KIAA0513: variants seen among roughly 807,000 people sequenced by gnomAD.
KIAA0513 encodes uncharacterized protein KIAA0513.
Under a neutral mutation model 56.5 loss-of-function variants are expected in KIAA0513, and 39 were observed. The observed-to-expected ratio is 0.69, with a 90% CI of 0.53 to 0.90. KIAA0513 has a LOEUF of 0.90. KIAA0513 is among the 40% of genes least tolerant of loss of function. The probability of loss-of-function intolerance (pLI) is 0.00; values close to 1 mark genes in which losing one functional copy is unlikely to be tolerated. For missense variants in KIAA0513, 591 were observed against 535.2 expected (o/e 1.10, Z -1.03); for synonymous variants, 268 against 215.6 (o/e 1.24, Z -2.13).
chr16:85,059,584 GC>G (rs1438099330), intron 1 of KIAA0513, among the ~76,000 whole-genome samples: 1 of 152,218 alleles, frequency 6.6e-6, no homozygotes, highest in African/African-American at 2.4e-5. Flanking sequence ...CTCTTCTCCA[GC>G]CCCACGTTTC....
At chr16:85,072,762 G>T (rs1282829833) in intron 3 of KIAA0513, 163 bp from the exon 4 acceptor site, 1 of 188,190 alleles carries the variant, frequency 5.3e-6, no homozygotes, top group African/African-American at 2.4e-5. Context: ...CTCTGCCCGG[G>T]TCCTGGCAGA....
chr16:85,056,817 A>G (rs1448613262), intron 1 of KIAA0513, among the ~76,000 whole-genome samples: 1 of 152,182 alleles, frequency 6.6e-6, no homozygotes, highest in Non-Finnish European at 1.5e-5. Context: ...CTCATGCCTC[A>G]GCCTCCCAGA....
Position 85,081,713 on chromosome 16 carries a change from C to T in KIAA0513, c.980+321C>T, listed in dbSNP as rs1346858991. Among the ~76,000 whole-genome samples, 1 of 152,220 alleles carries T rather than the reference C, an allele frequency of 6.6e-6. No individual in the cohort carries two copies. ...CCTGCTGTTTGCTGGACAAAATCAG[C>T]ATCCTGAGGATGAACGCTTGGAGCA... is the stretch of plus-strand genomic sequence containing the variant. On this transcript the variant is annotated intron_variant, in intron 9 of 12. Transcript: ENST00000683363. The surrounding 1 kb of genome is among the most constrained non-coding windows in gnomAD (Gnocchi z 4.4).
chr16:85,032,669 C>T (rs1016797666), intron 1 of KIAA0513, among the ~76,000 whole-genome samples: 2 of 151,874 alleles, frequency 1.3e-5, no homozygotes, highest in Non-Finnish European at 2.9e-5. Context: ...TTCAGTCTGT[C>T]GTCCAGGCTG....
Position 85,089,076 on chromosome 16 carries a change from T to TCTGAAATGCGCCCGC in KIAA0513, c.*755_*769dup, listed in dbSNP as rs1277613900. The TCTGAAATGCGCCCGC allele has an allele frequency of 6.6e-6, 1 of 152,240 alleles. No homozygotes were observed. The highest frequency in any genetic ancestry group is 2.4e-5 in the African/African-American group (1 of 41,452). The allele number at this position is 152,240 out of a possible 1,614,324, so 9.4% of individuals were successfully genotyped here. ...TGTCCGCGGCAGACCACACAGACCG[T>TCTGAAATGCGCCCGC]CTGAAATGCGCCCGCCTGGCGGACA... On this transcript the variant is annotated 3_prime_UTR_variant, in exon 13 of 13. Transcript: ENST00000683363. This position sits in a 1 kb window ranked among gnomAD's most constrained non-coding sequence, Gnocchi z 4.2.
At chr16:85,069,956 G>A (rs2073547444) in intron 2 of KIAA0513, among the ~76,000 whole-genome samples, 1 of 151,710 alleles carries the variant, frequency 6.6e-6, no homozygotes, top group Non-Finnish European at 1.5e-5. Context: ...CTTGAGCCCA[G>A]GAGTTTGAGA....
At chr16:85,079,913 G>T (rs191920082) in intron 8 of KIAA0513, among the ~76,000 whole-genome samples, 200 of 152,300 alleles carry the variant, frequency 1.3e-3, no homozygotes, top group African/African-American at 4.7e-3. Flanking sequence ...CGCAGATGAT[G>T]GTCGTGCTGC....
chr16:85,040,470 C>T (rs1028081777), intron 1 of KIAA0513, among the ~76,000 whole-genome samples: 4 of 152,026 alleles, frequency 2.6e-5, no homozygotes, highest in Non-Finnish European at 5.9e-5. Context: ...GTGGAGGTTG[C>T]GGTGAGCTGA....
intron 1 of KIAA0513, among the ~76,000 whole-genome samples, chr16:85,048,021 C>G (rs1411394511): frequency 2.0e-5 from 3 of 152,066 alleles, no homozygotes; most frequent in Non-Finnish European, 2.9e-5. Context: ...CATAAGGAAA[C>G]CAGAACCATA....
chr16:85,031,111 G>A lies in KIAA0513; in HGVS notation c.-173+3253G>A, dbSNP rs2072958340. ...TTAGATGTAAGCCTGGAGAAGCTTG[G>A]GAACTGTGATTTATTAAGCTCATTC... On this transcript the variant is annotated intron_variant, in intron 1 of 12. Transcript: ENST00000683363. 2.0e-5 allele frequency among the ~76,000 whole-genome samples: 3 copies of A among 152,158 alleles called. No individual in the cohort carries two copies. The South Asian group carries it at 6.2e-4, about 31-fold the overall frequency.
rs149602342 is a variant in KIAA0513, at chr16:85,035,332, C to T, written c.-173+7474C>T. On this transcript the variant is annotated intron_variant, in intron 1 of 12. Transcript: ENST00000683363. ...CAGCATGGAGCAGGTGACGAAGAAA[C>T]GCTGGTAGCACAGGCAGCTGGTGGT... Among the ~76,000 whole-genome samples the T allele has an allele frequency of 1.8e-3, 275 of 152,326 alleles. 1 individual carries two copies. Among genetic ancestry groups the T allele is most frequent in the African/African-American group, 5.8e-3 (242 of 41,582 alleles).
intron 1 of KIAA0513, among the ~76,000 whole-genome samples, chr16:85,048,582 TAA>T (rs2073203912): frequency 6.6e-6 from 1 of 152,164 alleles, no homozygotes; most frequent in Non-Finnish European, 1.5e-5. Context: ...CTGGCTCTGT[TAA>T]AAGACTTTCT....
intron 6 of KIAA0513, 160 bp from the exon 7 acceptor site, chr16:85,078,255 C>T: frequency 4.7e-6 from 1 of 213,042 alleles, no homozygotes. Context: ...TTCTGAAACA[C>T]TGGCAGTTGA....
In KIAA0513 at chr16:85,078,426, A is replaced by G. The variant is rs2073691578; in HGVS notation, c.794A>G (p.Asn265Ser). ...CTTCTCTCCCTCAGGGAAGACGAGA[A>G]CAAACCCCAGGAGAAGCGGCCCAGG... ...PLARRNEEDE[N>S]KPQEKRPRAV... is the part of the protein sequence containing the mutation. The change falls in exon 7 of 13, where the codon AAC (asparagine) becomes AGC (serine). Residue 265 changes from asparagine to serine, a missense_variant. By Grantham distance (46) the Asn-to-Ser change is conservative. Transcript: ENST00000683363. The G allele has an allele frequency of 1.1e-5, 17 of 1,613,900 alleles. No individual in the cohort carries two copies. The highest frequency in any genetic ancestry group is 1.4e-5 in the Non-Finnish European group (17 of 1,180,036).
At chr16:85,078,557 C>T in intron 7 of KIAA0513, 102 bp downstream of exon 7, 3 of 1,124,068 alleles carry the variant, frequency 2.7e-6, no homozygotes, top group Non-Finnish European at 3.9e-6. Flanking sequence ...CTCCACGGAG[C>T]ATGGGCACCT....
chr16:85,090,458 G>A lies in KIAA0513; in HGVS notation c.*2133G>A, dbSNP rs1178516020. On this transcript the variant is annotated 3_prime_UTR_variant, in exon 13 of 13. Coordinates refer to ENST00000683363, the MANE Select transcript of KIAA0513 (RefSeq NM_001388359.1). ...ATTCTGAGACTCTCTTGGGAACGCT[G>A]GAGAGCTTGTGCACAGCCTCTGGAA... The A allele has an allele frequency of 1.3e-5, 2 of 152,224 alleles. No homozygotes were observed. The highest frequency in any genetic ancestry group is 2.9e-5 in the Non-Finnish European group (2 of 68,044). The allele number at this position is 152,224 out of a possible 1,614,324, so 9.4% of individuals were successfully genotyped here. A position where few individuals can be genotyped will look rare whatever the true frequency, so the allele number is the denominator to read the frequency against.
chr16:85,058,695 C>A (rs977323667), intron 1 of KIAA0513, among the ~76,000 whole-genome samples: 5 of 151,008 alleles, frequency 3.3e-5, no homozygotes, highest in Non-Finnish European at 7.4e-5. Flanking sequence ...CAAAAAACAA[C>A]AAAAAAAGAA....
chr16:85,027,819 G>A lies in KIAA0513; in HGVS notation c.-212G>A, dbSNP rs1597579238. The A allele has an allele frequency of 6.6e-6, 1 of 152,108 alleles. No homozygotes were observed. Among genetic ancestry groups the A allele is most frequent in the South Asian group, 2.1e-4 (1 of 4,836 alleles). 9.4% of individuals were successfully genotyped at this position (152,108 alleles called of 1,614,324 possible). On this transcript the variant is annotated 5_prime_UTR_variant, in exon 1 of 13. Transcript: ENST00000683363. Reference sequence around the variant, plus strand: ...CGCAGTCGCCGCAGCAGCCGAGTCTGACGGCGCCGGTTCGCTGCCCGGTCC... The same window carrying A: ...CGCAGTCGCCGCAGCAGCCGAGTCTAACGGCGCCGGTTCGCTGCCCGGTCC...
chr16:85,091,349 G>A lies in KIAA0513; in HGVS notation c.*3024G>A, dbSNP rs2073865431. 6.6e-6 allele frequency: 1 copy of A among 152,192 alleles called. No individual in the cohort carries two copies. The highest frequency in any genetic ancestry group is 2.4e-5 in the African/African-American group (1 of 41,450). The allele number at this position is 152,192 out of a possible 1,614,324, so 9.4% of individuals were successfully genotyped here. A position where few individuals can be genotyped will look rare whatever the true frequency, so the allele number is the denominator to read the frequency against. ...CGTGGTAATAGATTGCATCTGCCCT[G>A]TGCATGCGCATGTTTAACCACAGGC... On this transcript the variant is annotated 3_prime_UTR_variant, in exon 13 of 13. Coordinates refer to ENST00000683363, the MANE Select transcript of KIAA0513 (RefSeq NM_001388359.1).
Sources: gnomAD v4.1 joint callset for allele counts (sites outside exome capture counted in the v4.1 genomes callset) on GRCh38, gnomAD v4.1.1 for gene constraint, Gnocchi (gnomAD v3.1) non-coding constraint, MANE v1.5 for transcripts, NCBI Gene and HGNC (gene_info 2026-07-23, HGNC 2026-07-21) for gene names.